Variants in STK39 observed in about 807,000 individuals in gnomAD.
The protein encoded by STK39 is STE20/SPS1-related proline-alanine-rich protein kinase.
A neutral mutation model predicts 77.8 loss-of-function variants in STK39; 20 were observed. The ratio of observed to expected loss-of-function variants is 0.26; its 90% confidence interval spans 0.18 to 0.37. STK39 has a LOEUF of 0.37. Ranked by LOEUF, STK39 falls within the 10% of genes least tolerant of loss-of-function variation. The probability of loss-of-function intolerance (pLI) is 1.00; values close to 1 mark genes in which losing one functional copy is unlikely to be tolerated. For missense variants in STK39, 479 were observed against 656.5 expected (o/e 0.73, Z 2.95); for synonymous variants, 246 against 234.1 (o/e 1.05, Z -0.47).
intron 14 of STK39, among the ~76,000 whole-genome samples, chr2:168,018,465 C>A (rs1045524999): frequency 6.7e-6 from 1 of 149,496 alleles, no homozygotes; most frequent in Non-Finnish European, 1.5e-5. Context: ...TGCATTACAG[C>A]TTGGGTGGCA....
intron 14 of STK39, among the ~76,000 whole-genome samples, chr2:168,018,387 C>T (rs1684468786): frequency 6.6e-6 from 1 of 151,938 alleles, no homozygotes; most frequent in Admixed American, 6.6e-5. Context: ...GTAATCCCAG[C>T]TACTCAGGAG....
Position 168,129,821 on chromosome 2 carries a change from T to C in STK39, c.975-63A>G, listed in dbSNP as rs537376952. On this transcript the variant is annotated intron_variant, in intron 8 of 17. Coordinates refer to ENST00000355999, the MANE Select transcript of STK39 (RefSeq NM_013233.3). ...CCACTTAATAAATGCACTGCCTTGA[T>C]GAAACAACTTAACCTTAAGAGTATT... 2.6e-6 allele frequency: 4 copies of C among 1,563,090 alleles called. No homozygotes were observed. In the East Asian group the frequency reaches 6.7e-5, roughly 26 times the overall value.
At chr2:167,992,095 A>G (rs1483837011) in intron 16 of STK39, among the ~76,000 whole-genome samples, 2 of 152,194 alleles carry the variant, frequency 1.3e-5, no homozygotes, top group Non-Finnish European at 2.9e-5. Flanking sequence ...ATGCACTCTA[A>G]ATGAGTCTGA....
intron 8 of STK39, among the ~76,000 whole-genome samples, chr2:168,135,721 T>C (rs554768755): frequency 6.6e-5 from 10 of 152,272 alleles, no homozygotes; most frequent in African/African-American, 2.2e-4. Context: ...ATTGCATAGA[T>C]TTTTCCCCCC....
At chr2:168,045,989 G>T (rs918925712) in intron 14 of STK39, among the ~76,000 whole-genome samples, 2 of 152,106 alleles carry the variant, frequency 1.3e-5, no homozygotes, top group Non-Finnish European at 2.9e-5. Flanking sequence ...AGGCAAGGCT[G>T]GCATCTCATT....
At chr2:168,056,328 G>A (rs1685524799) in intron 14 of STK39, among the ~76,000 whole-genome samples, 1 of 151,924 alleles carries the variant, frequency 6.6e-6, no homozygotes, top group South Asian at 2.1e-4. Context: ...AAATCAAGGT[G>A]AGCTTCCGGG....
At chr2:168,125,450 G>GA (rs1559109306) in intron 10 of STK39, among the ~76,000 whole-genome samples, 1 of 151,890 alleles carries the variant, frequency 6.6e-6, no homozygotes, top group Non-Finnish European at 1.5e-5. Context: ...GTGAAAACTT[G>GA]AAAAAAAAGT....
At chr2:168,124,384 CAT>C (rs1263065618) in intron 10 of STK39, among the ~76,000 whole-genome samples, 1 of 152,026 alleles carries the variant, frequency 6.6e-6, no homozygotes, top group Non-Finnish European at 1.5e-5. Flanking sequence ...TCTGTCCTGC[CAT>C]ATGTGGGTTA....
chr2:168,182,405 A>G (rs1305487977), intron 1 of STK39, among the ~76,000 whole-genome samples: 5 of 152,114 alleles, frequency 3.3e-5, no homozygotes, highest in Non-Finnish European at 7.4e-5. Context: ...GAGTGCCTTT[A>G]AAATATCTCA....
intron 10 of STK39, among the ~76,000 whole-genome samples, chr2:168,107,253 G>A (rs1464274955): frequency 6.6e-6 from 1 of 152,100 alleles, no homozygotes; most frequent in African/African-American, 2.4e-5. Context: ...ATTCCCATAC[G>A]AATAACTTCA....
intron 1 of STK39, among the ~76,000 whole-genome samples, chr2:168,242,660 C>T (rs183990601): frequency 3.0e-3 from 433 of 146,566 alleles, no homozygotes; most frequent in African/African-American, 0.01. Flanking sequence ...AAGGCCGGAG[C>T]ATCGCTGAGC....
At chr2:167,996,580 A>G (rs1040471428) in intron 16 of STK39, among the ~76,000 whole-genome samples, 4 of 152,100 alleles carry the variant, frequency 2.6e-5, no homozygotes, top group Non-Finnish European at 5.9e-5. Context: ...ACATCACCTA[A>G]TTCGGTGGGT....
intron 14 of STK39, among the ~76,000 whole-genome samples, chr2:168,047,699 C>A (rs1474392218): frequency 6.6e-6 from 1 of 152,186 alleles, no homozygotes; most frequent in African/African-American, 2.4e-5. Flanking sequence ...CTTATGGGGA[C>A]AGGAGACCAA....
At chr2:168,152,114 T>A (rs79737804) in intron 5 of STK39, among the ~76,000 whole-genome samples, 2,830 of 152,290 alleles carry the variant, frequency 0.019, 58 homozygotes, top group African/African-American at 0.05. Context: ...GTGCTGAAGG[T>A]TCCAGGCCAA....
chr2:168,163,144 A>G (rs1688617349), intron 4 of STK39, among the ~76,000 whole-genome samples: 1 of 152,214 alleles, frequency 6.6e-6, no homozygotes, highest in Admixed American at 6.5e-5. Flanking sequence ...AATTCCTAAG[A>G]GCCCAAGTAG....
At chr2:168,216,357 T>C (rs982749272) in intron 1 of STK39, among the ~76,000 whole-genome samples, 1 of 152,212 alleles carries the variant, frequency 6.6e-6, no homozygotes, top group East Asian at 1.9e-4. Context: ...TTGGTTTGGG[T>C]TTTTGTTTTG....
intron 12 of STK39, among the ~76,000 whole-genome samples, chr2:168,070,726 C>G (rs1304973302): frequency 6.6e-6 from 1 of 151,852 alleles, no homozygotes; most frequent in East Asian, 1.9e-4. Flanking sequence ...ATAGTTTGCT[C>G]AGAATGATGG....
At chr2:168,244,450 C>T (rs927964748) in intron 1 of STK39, among the ~76,000 whole-genome samples, 5 of 152,222 alleles carry the variant, frequency 3.3e-5, no homozygotes, top group Non-Finnish European at 7.3e-5. Context: ...GAGCCTCCTG[C>T]TGCTGGTCAC....
At chr2:168,096,874 T>C (rs187346601) in intron 10 of STK39, among the ~76,000 whole-genome samples, 1 of 152,014 alleles carries the variant, frequency 6.6e-6, no homozygotes, top group East Asian at 1.9e-4. Flanking sequence ...AATTATACTG[T>C]TATAAATAGA....
Sources: gnomAD v4.1 joint callset for allele counts (sites outside exome capture counted in the v4.1 genomes callset) on GRCh38, gnomAD v4.1.1 for gene constraint, MANE v1.5 for transcripts, NCBI Gene and HGNC (gene_info 2026-07-23, HGNC 2026-07-21) for gene names.